The following RNLS variants were observed in gnomAD, a reference collection of about 807,000 sequenced individuals.
RNLS encodes the protein renalase, FAD dependent amine oxidase, also known as renalase.
A neutral mutation model predicts 39.8 loss-of-function variants in RNLS; 39 were observed. The observed-to-expected ratio is 0.98, with a 90% confidence interval of 0.76 to 1.28. RNLS has a LOEUF of 1.28. Among genes scored for constraint, RNLS ranks in the 50% most tolerant of loss-of-function variants. RNLS has a pLI of 0.00. For missense variants in RNLS, 410 were observed against 413.3 expected (o/e 0.99, Z 0.07); for synonymous variants, 147 against 150.7 (o/e 0.98, Z 0.18).
the RNLS span, among the ~76,000 whole-genome samples, chr10:88,218,389 TG>T: frequency 0.014 from 2,154 of 152,314 alleles, 54 homozygotes; most frequent in African/African-American, 0.048. Flanking sequence ...TCCACAATGG[TG>T]GGCGGGCTGC....
the RNLS span, among the ~76,000 whole-genome samples, chr10:88,227,690 A>T: frequency 6.6e-6 from 1 of 152,230 alleles, no homozygotes; most frequent in Non-Finnish European, 1.5e-5. Flanking sequence ...GTATGACTTT[A>T]CTTTTCAAAT....
intron 5 of RNLS, among the ~76,000 whole-genome samples, chr10:88,356,022 C>T (rs750196778): frequency 2.6e-5 from 4 of 152,198 alleles, no homozygotes; most frequent in South Asian, 2.1e-4. Flanking sequence ...CTGATCCTTG[C>T]GCGGGATATA....
At chr10:88,422,193 C>T (rs1392936692) in intron 4 of RNLS, among the ~76,000 whole-genome samples, 3 of 152,116 alleles carry the variant, frequency 2.0e-5, no homozygotes, top group Non-Finnish European at 2.9e-5. Context: ...TAAAGGTAGC[C>T]GTCCTATCGG....
intron 4 of RNLS, among the ~76,000 whole-genome samples, chr10:88,449,503 C>T (rs548778270): frequency 3.9e-5 from 6 of 152,326 alleles, no homozygotes; most frequent in South Asian, 2.1e-4. Context: ...TTGGTTTTAA[C>T]TTTCCACTTT....
intron 4 of RNLS, among the ~76,000 whole-genome samples, chr10:88,559,919 T>C (rs1425662877): frequency 5.9e-5 from 9 of 151,808 alleles, no homozygotes; most frequent in Admixed American, 3.3e-4. Flanking sequence ...GTCTTGGGGG[T>C]CAGAAAGACT....
Position 88,284,952 on chromosome 10 carries a change from G to A in RNLS, c.*402C>T. 5 of 987,998 alleles carry A rather than the reference G, an allele frequency of 5.1e-6. No homozygotes were observed. The highest frequency in any genetic ancestry group is 6.0e-6 in the Non-Finnish European group (5 of 831,728). The allele number at this position is 987,998 out of a possible 1,614,324, so 61.2% of individuals were successfully genotyped here. On this transcript the variant is annotated 3_prime_UTR_variant, in exon 7 of 7. Coordinates refer to ENST00000331772, the MANE Select transcript of RNLS (RefSeq NM_001031709.3). ...ATATTGATTCAAGGACACATCCGAA[G>A]ACTTAAGATGGGGCTTTGATAATGT...
At chr10:88,385,806 G>A (rs999678564) in intron 4 of RNLS, among the ~76,000 whole-genome samples, 4 of 152,154 alleles carry the variant, frequency 2.6e-5, no homozygotes, top group Non-Finnish European at 5.9e-5. Flanking sequence ...TGGTGGTTGG[G>A]GGTAGGGGAG....
chr10:88,172,842 GTTTTTT>G, the RNLS span, among the ~76,000 whole-genome samples: 276 of 43,682 alleles, frequency 6.3e-3, 1 homozygote, highest in African/African-American at 0.029. Context: ...ATTTTGAGTT[GTTTTTT>G]TTTTTTTTTT....
intron 4 of RNLS, among the ~76,000 whole-genome samples, chr10:88,432,380 T>C (rs1400985087): frequency 1.3e-5 from 2 of 151,958 alleles, no homozygotes; most frequent in Non-Finnish European, 2.9e-5. Flanking sequence ...TTTGGCAGCA[T>C]ATAGTTATGT....
intron 4 of RNLS, among the ~76,000 whole-genome samples, chr10:88,375,627 G>A (rs780699923): frequency 1.3e-5 from 2 of 152,134 alleles, no homozygotes; most frequent in African/African-American, 4.8e-5. Flanking sequence ...TGCCTGCAAT[G>A]AGAACTGATT....
At chr10:88,333,405 T>TC (rs1159563245) in intron 5 of RNLS, among the ~76,000 whole-genome samples, 1 of 152,200 alleles carries the variant, frequency 6.6e-6, no homozygotes, top group Non-Finnish European at 1.5e-5. Context: ...GTAACTACTG[T>TC]CAGTGGTTTC....
the RNLS span, among the ~76,000 whole-genome samples, chr10:88,200,383 T>G: frequency 6.6e-6 from 1 of 152,156 alleles, no homozygotes; most frequent in Non-Finnish European, 1.5e-5. Flanking sequence ...AGGAAGTAGA[T>G]GTTTCTATTG....
rs1843327715 is a variant in RNLS at position 88,468,307 on chromosome 10, A to T, written c.526+104596T>A. 2.0e-5 allele frequency among the ~76,000 whole-genome samples: 3 copies of T among 152,164 alleles called. No individual in the cohort carries two copies. In the South Asian group the frequency reaches 6.2e-4, roughly 32 times the overall value. ...CATGATCATTGATGAATCATAACTC[A>T]TTTCAGCCACTGTTGCTCCACAACT... On this transcript the variant is annotated intron_variant, in intron 4 of 6. Coordinates refer to ENST00000331772, the MANE Select transcript of RNLS (RefSeq NM_001031709.3).
chr10:88,345,022 G>A (rs1210918246), intron 5 of RNLS, among the ~76,000 whole-genome samples: 2 of 152,008 alleles, frequency 1.3e-5, no homozygotes, highest in East Asian at 3.9e-4. Flanking sequence ...AAAATAGCAG[G>A]GCCCACATAC....
At chr10:88,565,629 T>A (rs1849447810) in intron 4 of RNLS, among the ~76,000 whole-genome samples, 1 of 151,810 alleles carries the variant, frequency 6.6e-6, no homozygotes, top group African/African-American at 2.4e-5. Flanking sequence ...ATTCTTAAAC[T>A]TTTTCATCAT....
At chr10:88,309,857 G>T (rs1253506488) in intron 6 of RNLS, among the ~76,000 whole-genome samples, 1 of 152,160 alleles carries the variant, frequency 6.6e-6, no homozygotes, top group Non-Finnish European at 1.5e-5. Context: ...TGTTGTGAAT[G>T]ATACATTTTG....
chr10:88,282,374 G>C (rs1467137557), downstream of RNLS, among the ~76,000 whole-genome samples: 4 of 151,984 alleles, frequency 2.6e-5, no homozygotes, highest in African/African-American at 9.7e-5. Context: ...ACGTGACCCT[G>C]GTTGGCCAAG....
At chr10:88,527,889 A>G (rs1196253088) in intron 4 of RNLS, among the ~76,000 whole-genome samples, 3 of 152,214 alleles carry the variant, frequency 2.0e-5, no homozygotes, top group Non-Finnish European at 4.4e-5. Flanking sequence ...ATCCTCAGAG[A>G]GATAAGATAG....
intron 5 of RNLS, chr10:88,343,588 G>A (rs957865023): frequency 1.0e-6 from 1 of 985,104 alleles, no homozygotes; most frequent in African/African-American, 1.7e-5. Flanking sequence ...TTTCTGTCCA[G>A]GGCTGGGATA....
Sources: gnomAD v4.1 joint callset for allele counts (sites outside exome capture counted in the v4.1 genomes callset) on GRCh38, gnomAD v4.1.1 for gene constraint, MANE v1.5 for transcripts, NCBI Gene and HGNC (gene_info 2026-07-23, HGNC 2026-07-21) for gene names.